The following UNG variants were observed in gnomAD, a reference collection of about 807,000 sequenced individuals.
UNG encodes the protein uracil DNA glycosylase.
In UNG, 34 loss-of-function variants were observed where a neutral mutation model predicts 36.5. The observed-to-expected ratio is 0.93, with a 90% CI of 0.71 to 1.24. UNG has a LOEUF of 1.24. Among genes scored for constraint, UNG ranks in the 50% most tolerant of loss-of-function variants. The probability of loss-of-function intolerance (pLI) is 0.00; values close to 1 mark genes in which losing one functional copy is unlikely to be tolerated. For missense variants in UNG, 391 were observed against 397.6 expected, an observed-to-expected ratio of 0.98 and a Z score of 0.14; for synonymous variants, 172 against 157.8, an observed-to-expected ratio of 1.09 and a Z score of -0.67.
At chr12:109,099,140 T>G (rs750299240) in intron 2 of UNG, 49 bp from the exon 3 acceptor site, 1 of 1,527,180 alleles carries the variant, frequency 6.5e-7, no homozygotes, top group African/African-American at 1.4e-5. Context: ...TGAATTCTTA[T>G]GGTTTCCAAT....
chr12:109,100,023 C>G (rs1258518979), intron 3 of UNG, among the ~76,000 whole-genome samples: 1 of 152,120 alleles, frequency 6.6e-6, no homozygotes, highest in African/African-American at 2.4e-5. Context: ...GATCACACCA[C>G]TTCACTCCAG....
In UNG at chr12:109,110,222, C is replaced by G. The variant is rs2042250995; in HGVS notation, c.*253C>G. The G allele has an allele frequency of 1.9e-6, 1 of 532,900 alleles. No homozygotes were observed. The highest frequency in any genetic ancestry group is 3.4e-6 in the Non-Finnish European group (1 of 297,208). 33.0% of individuals were successfully genotyped at this position (532,900 alleles called of 1,614,324 possible). A position where few individuals can be genotyped will look rare whatever the true frequency, so the allele number is the denominator to read the frequency against. ...AAAATATGCAGAAGACAGATGAGGT[C>G]AAATACTCAGTTGGCTCTCTTTATC... On this transcript the variant is annotated 3_prime_UTR_variant, in exon 7 of 7. Transcript: ENST00000242576.
chr12:109,103,489 A>G lies in UNG; in HGVS notation c.679A>G (p.Lys227Glu). 1.2e-6 allele frequency: 2 copies of G among 1,614,136 alleles called. No homozygotes were observed. The highest frequency in any genetic ancestry group is 1.1e-5 in the South Asian group (1 of 91,074). The change falls in exon 6 of 7, where the codon AAG becomes GAG. Residue 227 changes from lysine (K) to glutamate (E), a missense_variant. Lys to Glu is a moderately conservative substitution (Grantham distance 56). Coordinates refer to ENST00000242576, the MANE Select transcript of UNG (RefSeq NM_080911.3). ...TCGTGCCCATCAAGCCAACTCTCAT[A>G]AGGAGCGAGGCTGGGAGCAGTTCAC... ...TVRAHQANSH[K>E]ERGWEQFTDA...
At chr12:109,099,157 C>T in intron 2 of UNG, 32 bp from the exon 3 acceptor site, 1 of 1,584,646 alleles carries the variant, frequency 6.3e-7, no homozygotes, top group Non-Finnish European at 8.7e-7. Context: ...CAATGAGAAT[C>T]TGATTTTAAG....
At chr12:109,104,797 C>T (rs1035860683) in intron 6 of UNG, among the ~76,000 whole-genome samples, 3 of 152,072 alleles carry the variant, frequency 2.0e-5, no homozygotes, top group East Asian at 1.9e-4. Flanking sequence ...CTTCAATGAT[C>T]GAAGGCAAGG....
chr12:109,104,589 C>A (rs3219244), intron 6 of UNG, among the ~76,000 whole-genome samples: 1 of 152,124 alleles, frequency 6.6e-6, no homozygotes, highest in African/African-American at 2.4e-5. Flanking sequence ...GCTTCTCATT[C>A]GCCACTGCTG....
chr12:109,109,698 G>T (rs534297895), intron 6 of UNG, 131 bp from the exon 7 acceptor site: 84 of 1,124,798 alleles, frequency 7.5e-5, no homozygotes, highest in Non-Finnish European at 5.8e-5. Flanking sequence ...CAGGAGAATC[G>T]CTTGAACCCG....
chr12:109,102,063 AT>A, intron 4 of UNG, 64 bp downstream of exon 4: 1 of 1,459,728 alleles, frequency 6.9e-7, no homozygotes, highest in Non-Finnish European at 9.6e-7. Flanking sequence ...TACTTAGCTT[AT>A]TACAAGTGGG....
rs2042259381 is a variant in UNG, at chr12:109,110,886, TGG to T, written c.*919_*920del. Reference sequence around the variant, plus strand: ...CCTTTTTTTAAGAGACGGTCTTTATTGGGTCTGCACCTCCATCCTTGATCTTG... The same window carrying T: ...CCTTTTTTTAAGAGACGGTCTTTATTGTCTGCACCTCCATCCTTGATCTTG... On this transcript the variant is annotated 3_prime_UTR_variant, in exon 7 of 7. Transcript: ENST00000242576. 1 of 152,134 alleles carries T rather than the reference TGG, an allele frequency of 6.6e-6. No individual in the cohort carries two copies. Among genetic ancestry groups the T allele is most frequent in the East Asian group, 1.9e-4 (1 of 5,188 alleles). 9.4% of individuals were successfully genotyped at this position (152,134 alleles called of 1,614,324 possible).
At chr12:109,098,306 T>G in intron 1 of UNG, 126 bp from the exon 2 acceptor site, 1 of 1,587,732 alleles carries the variant, frequency 6.3e-7, no homozygotes, top group African/African-American at 1.4e-5. Flanking sequence ...CTGTCCGCTT[T>G]TGCTGGGACC....
chr12:109,106,747 A>C, intron 6 of UNG, among the ~76,000 whole-genome samples: 1 of 149,076 alleles, frequency 6.7e-6, no homozygotes, highest in Non-Finnish European at 1.5e-5. Context: ...AAAATACAAA[A>C]AATTAGCCAG....
chr12:109,105,555 C>T (rs2042209590), intron 6 of UNG, among the ~76,000 whole-genome samples: 1 of 152,204 alleles, frequency 6.6e-6, no homozygotes, highest in South Asian at 2.1e-4. Context: ...GCCCCATGAA[C>T]ATGCCAAATT....
chr12:109,103,284 C>T, intron 5 of UNG, 149 bp from the exon 6 acceptor site: 1 of 795,532 alleles, frequency 1.3e-6, no homozygotes, highest in Non-Finnish European at 2.1e-6. Context: ...GTAGTGGCTG[C>T]TGCCATTATG....
intron 3 of UNG, among the ~76,000 whole-genome samples, chr12:109,100,620 T>C (rs1022783151): frequency 3.9e-5 from 6 of 152,196 alleles, no homozygotes; most frequent in African/African-American, 1.4e-4. Flanking sequence ...GTAATCAGTA[T>C]AAACAGGGAA....
chr12:109,106,788 A>G (rs997800851), intron 6 of UNG, among the ~76,000 whole-genome samples: 1 of 139,126 alleles, frequency 7.2e-6, no homozygotes, highest in African/African-American at 2.6e-5. Context: ...AGTCCCAGCT[A>G]CTTGGGAGGC....
In UNG at chr12:109,110,609, C is replaced by G. The variant is rs967086107; in HGVS notation, c.*640C>G. ...AGAAGTAAGCTGGGTCTTGTTATTC[C>G]TTGGGTGTTGGTGGAATAAGCAGTG... On this transcript the variant is annotated 3_prime_UTR_variant, in exon 7 of 7. Transcript: ENST00000242576. The G allele has an allele frequency of 6.5e-6, 1 of 153,724 alleles. No homozygotes were observed. Among genetic ancestry groups the G allele is most frequent in the Non-Finnish European group, 1.4e-5 (1 of 69,146 alleles). The allele number at this position is 153,724 out of a possible 1,614,324, so 9.5% of individuals were successfully genotyped here.
At chr12:109,102,986 C>T (rs2042189917) in intron 5 of UNG, 59 bp downstream of exon 5, 4 of 1,231,480 alleles carry the variant, frequency 3.2e-6, no homozygotes, top group Non-Finnish European at 4.6e-6. Flanking sequence ...GAGTCTCACT[C>T]TGTTGCCCAG....
chr12:109,101,268 T>G (rs541710193), intron 3 of UNG, among the ~76,000 whole-genome samples: 2 of 151,984 alleles, frequency 1.3e-5, no homozygotes, highest in Admixed American at 1.3e-4. Flanking sequence ...AATTTTTGTA[T>G]TTTTAGTAGA....
At chr12:109,101,445 C>T (rs976235430) in intron 3 of UNG, among the ~76,000 whole-genome samples, 1 of 151,772 alleles carries the variant, frequency 6.6e-6, no homozygotes, top group Non-Finnish European at 1.5e-5. Context: ...GTGGCTCATG[C>T]CTGTAATCCC....
Sources: gnomAD v4.1 joint callset for allele counts (sites outside exome capture counted in the v4.1 genomes callset) on GRCh38, gnomAD v4.1.1 for gene constraint, MANE v1.5 for transcripts, NCBI Gene and HGNC (gene_info 2026-07-23, HGNC 2026-07-21) for gene names.